TCF4: variants seen among roughly 807,000 people sequenced by gnomAD.
The protein encoded by TCF4 is transcription factor 4.
In TCF4, 3 loss-of-function variants were observed where a neutral mutation model predicts 82.1. That is an observed-to-expected ratio of 0.04 (90% CI 0.02 to 0.09). The LOEUF is 0.09. Ranked by LOEUF, TCF4 falls within the 10% of genes least tolerant of loss-of-function variation. The pLI is 1.00. For missense variants in TCF4, 518 were observed against 852.7 expected, an observed-to-expected ratio of 0.61 and a Z score of 4.89; for synonymous variants, 276 against 309.6, an observed-to-expected ratio of 0.89 and a Z score of 1.14.
intron 2 of TCF4, among the ~76,000 whole-genome samples, chr18:55,617,086 G>A (rs1782268368): frequency 6.6e-6 from 1 of 151,974 alleles, no homozygotes; most frequent in Admixed American, 6.6e-5. Flanking sequence ...AAATTTTAGG[G>A]GCTGAAAAAT....
intron 2 of TCF4, among the ~76,000 whole-genome samples, chr18:55,594,957 GGCAGGACCACCCAGGTACAGACAA>G (rs2097689386): frequency 6.6e-6 from 1 of 152,116 alleles, no homozygotes; most frequent in Non-Finnish European, 1.5e-5. Context: ...CACAAGGGAA[GGCAGGACCACCCAGGTACAGACAA>G]AATACTCTCT....
chr18:55,261,305 G>A lies in TCF4; in HGVS notation c.990+161C>T, dbSNP rs563253032. 533 of 836,814 alleles carry A rather than the reference G, an allele frequency of 6.4e-4. 3 individuals carry two copies. The South Asian group carries it at 6.9e-3, about 11-fold the overall frequency. 51.8% of individuals were successfully genotyped at this position (836,814 alleles called of 1,614,324 possible). On this transcript the variant is annotated intron_variant, in intron 12 of 19. Transcript: ENST00000354452. ...GAGACTATATACTGGAAGCTTCAGAGCCTTCTCAAATTTTCCAGTGACTGT... is the reference window on the plus strand; with the variant it reads ...GAGACTATATACTGGAAGCTTCAGAACCTTCTCAAATTTTCCAGTGACTGT...
intron 3 of TCF4, among the ~76,000 whole-genome samples, chr18:55,476,219 A>G (rs1049372772): frequency 1.3e-5 from 2 of 152,176 alleles, no homozygotes; most frequent in African/African-American, 4.8e-5. Flanking sequence ...GAAGGGGGAG[A>G]TAAGTTGAGT....
intron 3 of TCF4, among the ~76,000 whole-genome samples, chr18:55,571,956 T>C (rs1276050981): frequency 6.6e-6 from 1 of 151,934 alleles, no homozygotes; most frequent in Non-Finnish European, 1.5e-5. Flanking sequence ...TATAGTTCAT[T>C]TCGTTTTAAC....
chr18:55,440,394 C>T (rs2095417547), intron 5 of TCF4, among the ~76,000 whole-genome samples: 1 of 152,138 alleles, frequency 6.6e-6, no homozygotes, highest in Non-Finnish European at 1.5e-5. Context: ...CCCTTGATCA[C>T]CTGTTTTAGC....
chr18:55,581,585 G>C (rs563022746), intron 3 of TCF4, among the ~76,000 whole-genome samples: 6 of 152,046 alleles, frequency 3.9e-5, no homozygotes, highest in African/African-American at 1.2e-4. Context: ...ATATCTTTAA[G>C]GGGAAACCAA....
chr18:55,609,717 C>CG (rs2097705413), intron 2 of TCF4, among the ~76,000 whole-genome samples: 1 of 152,196 alleles, frequency 6.6e-6, no homozygotes, highest in African/African-American at 2.4e-5. Flanking sequence ...ACTTTAGACT[C>CG]TGCATTTTCC....
At chr18:55,300,125 C>CA (rs2067740177) in intron 8 of TCF4, among the ~76,000 whole-genome samples, 1 of 151,270 alleles carries the variant, frequency 6.6e-6, no homozygotes, top group Non-Finnish European at 1.5e-5. Flanking sequence ...CACACACACA[C>CA]CCCACATTAA....
At chr18:55,635,766 C>T in exon 1 of TCF4, 1 of 1,550,664 alleles carries the variant, frequency 6.4e-7, no homozygotes, top group East Asian at 2.4e-5. Context: ...TTACAATGTC[C>T]TGAGAAGTTT....
chr18:55,496,170 T>C (rs1440533618), intron 3 of TCF4: 1 of 152,172 alleles, frequency 6.6e-6, no homozygotes, highest in Non-Finnish European at 1.5e-5. Flanking sequence ...GGAAAGTAAA[T>C]GCTTAAAGTT....
chr18:55,463,484 A>G (rs901801721), intron 4 of TCF4, among the ~76,000 whole-genome samples: 2 of 152,178 alleles, frequency 1.3e-5, no homozygotes, highest in Non-Finnish European at 2.9e-5. Context: ...TGCATGTAGG[A>G]AAACTGTGGA....
At chr18:55,311,727 T>C (rs2072521837) in intron 8 of TCF4, among the ~76,000 whole-genome samples, 1 of 152,246 alleles carries the variant, frequency 6.6e-6, no homozygotes, top group Non-Finnish European at 1.5e-5. Flanking sequence ...CTGGAACTTT[T>C]AGAACCAACT....
intron 15 of TCF4, among the ~76,000 whole-genome samples, chr18:55,244,680 A>C (rs991759916): frequency 6.6e-6 from 1 of 152,196 alleles, no homozygotes; most frequent in African/African-American, 2.4e-5. Flanking sequence ...TGGTGACCTC[A>C]GTTCTATATC....
chr18:55,481,283 G>C (rs920422770), intron 3 of TCF4, among the ~76,000 whole-genome samples: 3 of 152,112 alleles, frequency 2.0e-5, no homozygotes, highest in Admixed American at 1.3e-4. Context: ...TTACACCATG[G>C]AAATTGGCAA....
At chr18:55,268,025 G>A (rs559374964) in intron 11 of TCF4, 3 of 152,236 alleles carry the variant, frequency 2.0e-5, no homozygotes, top group African/African-American at 7.2e-5. Context: ...CATTCCCACT[G>A]AGAGCTGTGG....
rs180859682 is a variant in TCF4 at position 55,327,082 on chromosome 18, C to G, written c.549+23277G>C. ...ATAATGAACACCAACAAACCTCTTA[C>G]GTGTATATTCCCATATTTCTTTGTA... On this transcript the variant is annotated intron_variant, in intron 8 of 19. Coordinates refer to ENST00000354452, the MANE Select transcript of TCF4 (RefSeq NM_001083962.2). Among the ~76,000 whole-genome samples, 5 of 152,184 alleles carry G rather than the reference C, an allele frequency of 3.3e-5. No homozygotes were observed. The East Asian group carries it at 9.6e-4, about 29-fold the overall frequency.
intron 5 of TCF4, among the ~76,000 whole-genome samples, chr18:55,418,472 G>T (rs2094599788): frequency 6.6e-6 from 1 of 152,188 alleles, no homozygotes; most frequent in Non-Finnish European, 1.5e-5. Context: ...GTATGAATTG[G>T]TCATCTGCAT....
At chr18:55,323,104 C>G (rs1268920975) in intron 8 of TCF4, among the ~76,000 whole-genome samples, 3 of 151,572 alleles carry the variant, frequency 2.0e-5, no homozygotes, top group Non-Finnish European at 4.4e-5. Context: ...AAATATTATA[C>G]CAATCAACAA....
At chr18:55,546,704 A>G (rs1003237790) in intron 3 of TCF4, 1 of 152,268 alleles carries the variant, frequency 6.6e-6, no homozygotes, top group African/African-American at 2.4e-5. Context: ...ATGATCAAGT[A>G]TCAGCAACCA....
Sources: allele counts gnomAD v4.1 joint callset (sites outside exome capture counted in the v4.1 genomes callset), GRCh38; gene constraint gnomAD v4.1.1; transcripts MANE v1.5; gene names NCBI Gene and HGNC (gene_info 2026-07-23, HGNC 2026-07-21).